Variants in LOC102723971 observed in about 807,000 individuals in gnomAD.
the LOC102723971 span, among the ~76,000 whole-genome samples, chr9:135,619,741 G>A: frequency 1.3e-5 from 2 of 152,032 alleles, no homozygotes; most frequent in South Asian, 4.1e-4. Context: ...GCTGCCCATC[G>A]GCAGGGCAGG....
chr9:135,614,935 A>T, the LOC102723971 span, among the ~76,000 whole-genome samples: 1 of 152,062 alleles, frequency 6.6e-6, no homozygotes, highest in African/African-American at 2.4e-5. Context: ...GGCTGAGGGA[A>T]GTGGGGGCAG....
chr9:135,618,190 G>A, the LOC102723971 span: 2 of 394,898 alleles, frequency 5.1e-6, no homozygotes, highest in Non-Finnish European at 8.9e-6. Context: ...TGCTTCAGGG[G>A]CTGCCGGATC....
chr9:135,615,853 C>A, the LOC102723971 span, among the ~76,000 whole-genome samples: 4 of 152,366 alleles, frequency 2.6e-5, no homozygotes, highest in East Asian at 3.9e-4. Flanking sequence ...TGGGCCCACA[C>A]CCCTTCCGGC....
At chr9:135,619,312 C>T in the LOC102723971 span, among the ~76,000 whole-genome samples, 7 of 152,190 alleles carry the variant, frequency 4.6e-5, no homozygotes, top group South Asian at 2.1e-4. Context: ...CTGCCCGCAG[C>T]GCCAGAGGCC....
chr9:135,619,064 G>T, the LOC102723971 span: 2 of 399,714 alleles, frequency 5.0e-6, no homozygotes, highest in Non-Finnish European at 8.8e-6. Flanking sequence ...CTGTCCCCAG[G>T]TCCCCCTGGA....
At chr9:135,617,106 G>T in the LOC102723971 span, 15 of 397,298 alleles carry the variant, frequency 3.8e-5, no homozygotes, top group Middle Eastern at 6.2e-4. Flanking sequence ...CCGGCTCTGT[G>T]CAGAGACTTG....
At chr9:135,616,840 G>C in the LOC102723971 span, 8 of 398,372 alleles carry the variant, frequency 2.0e-5, no homozygotes, top group Non-Finnish European at 3.5e-5. Flanking sequence ...ACAGGGCATG[G>C]GGGGGTCCAG....
chr9:135,615,189 G>A, the LOC102723971 span, among the ~76,000 whole-genome samples: 78 of 152,166 alleles, frequency 5.1e-4, 1 homozygote, highest in African/African-American at 1.7e-3. Context: ...CTACACAGCC[G>A]GGCACTAGCC....
At chr9:135,615,837 C>A in the LOC102723971 span, among the ~76,000 whole-genome samples, 1 of 152,180 alleles carries the variant, frequency 6.6e-6, no homozygotes, top group East Asian at 1.9e-4. Flanking sequence ...AGGACCACAG[C>A]CACCCTGGGC....
chr9:135,616,589 G>C, the LOC102723971 span: 1 of 398,668 alleles, frequency 2.5e-6, no homozygotes, highest in African/African-American at 2.1e-5. Context: ...TTTCCCAGGG[G>C]AGAAGGGGTG....
At chr9:135,616,714 A>G in the LOC102723971 span, 2 of 398,598 alleles carry the variant, frequency 5.0e-6, no homozygotes, top group East Asian at 7.1e-5. Context: ...AGGGGCGAGC[A>G]AGGGGCGCTC....
the LOC102723971 span, among the ~76,000 whole-genome samples, chr9:135,615,690 G>A: frequency 3.3e-5 from 5 of 152,200 alleles, no homozygotes; most frequent in African/African-American, 9.6e-5. Flanking sequence ...GGCCCCGGAG[G>A]CAACGTCCAG....
chr9:135,614,187 C>G, the LOC102723971 span: 2 of 398,450 alleles, frequency 5.0e-6, no homozygotes, highest in Non-Finnish European at 8.8e-6. Context: ...CAGGTGGGTC[C>G]GGGCAGCGCA....
the LOC102723971 span, among the ~76,000 whole-genome samples, chr9:135,616,044 C>A: frequency 2.0e-5 from 3 of 152,208 alleles, no homozygotes; most frequent in African/African-American, 7.2e-5. Flanking sequence ...GTAGACACAC[C>A]GCACGGTGGC....
At chr9:135,615,440 G>T in the LOC102723971 span, 2 of 398,800 alleles carry the variant, frequency 5.0e-6, no homozygotes, top group East Asian at 7.1e-5. Flanking sequence ...CCTGAGGCTC[G>T]CTCTCCACTC....
At chr9:135,616,152 C>T in the LOC102723971 span, among the ~76,000 whole-genome samples, 3 of 152,222 alleles carry the variant, frequency 2.0e-5, no homozygotes, top group Admixed American at 1.3e-4. Flanking sequence ...TGTCTATGCA[C>T]GGAGGCAGGA....
chr9:135,618,354 G>A, the LOC102723971 span, among the ~76,000 whole-genome samples: 1 of 152,136 alleles, frequency 6.6e-6, no homozygotes, highest in Non-Finnish European at 1.5e-5. Context: ...CAAGTGCCCA[G>A]CCAGCCTCTC....
the LOC102723971 span, chr9:135,616,970 C>T: frequency 1.1e-4 from 42 of 398,636 alleles, no homozygotes; most frequent in East Asian, 9.6e-4. Flanking sequence ...TCATTCTTTA[C>T]GTGCGCTTTG....
the LOC102723971 span, among the ~76,000 whole-genome samples, chr9:135,617,569 C>T: frequency 1.5e-3 from 225 of 152,230 alleles, 1 homozygote; most frequent in African/African-American, 4.9e-3. Flanking sequence ...AGCCGAGAGG[C>T]CCCAGGGCCA....
Sources: gnomAD v4.1 joint callset for allele counts (sites outside exome capture counted in the v4.1 genomes callset) on GRCh38, gnomAD v4.1.1 for gene constraint, MANE v1.5 for transcripts.